Variants in GNPTAB observed in about 807,000 individuals in gnomAD.
GNPTAB encodes N-acetylglucosamine-1-phosphotransferase subunits alpha/beta.
A neutral mutation model predicts 136.6 loss-of-function variants in GNPTAB; 92 were observed. That is an observed-to-expected ratio of 0.67 (90% CI 0.57 to 0.80). The LOEUF (loss-of-function observed/expected upper bound fraction) is 0.80. Among genes scored for constraint, GNPTAB ranks in the 30% least tolerant of loss-of-function variants. GNPTAB has a pLI of 0.00. For missense variants in GNPTAB, 1,343 were observed against 1,501.8 expected (o/e 0.89, Z 1.75); for synonymous variants, 512 against 535.1 (o/e 0.96, Z 0.60).
intron 1 of GNPTAB, among the ~76,000 whole-genome samples, chr12:101,819,551 A>G (rs1487476231): frequency 2.0e-5 from 3 of 152,252 alleles, no homozygotes; most frequent in African/African-American, 2.4e-5. Flanking sequence ...GAATCCTAAA[A>G]AAATGAAGCA....
At chr12:101,749,248 G>T in intron 19 of GNPTAB, 57 bp from the exon 20 acceptor site, 1 of 966,764 alleles carries the variant, frequency 1.0e-6, no homozygotes, top group Non-Finnish European at 1.7e-6. Flanking sequence ...ACTACCATTA[G>T]TTAAGCATTA....
intron 1 of GNPTAB, among the ~76,000 whole-genome samples, chr12:101,807,425 G>A (rs529166487): frequency 1.3e-5 from 2 of 151,966 alleles, no homozygotes; most frequent in African/African-American, 4.8e-5. Context: ...TGTACCTGAA[G>A]TCCTAGCTGA....
intron 5 of GNPTAB, among the ~76,000 whole-genome samples, chr12:101,782,075 G>C (rs1594230861): frequency 6.6e-6 from 1 of 152,190 alleles, no homozygotes; most frequent in Non-Finnish European, 1.5e-5. Context: ...CAATGTTTTG[G>C]AAGTTACAGA....
chr12:101,824,432 A>ATATATATATATAT (rs1188582277), intron 1 of GNPTAB, among the ~76,000 whole-genome samples: 7 of 50,862 alleles, frequency 1.4e-4, no homozygotes, highest in Admixed American at 4.6e-4. Flanking sequence ...ATATATATAT[A>ATATATATATATAT]TTTTCTTTTT....
Position 101,757,306 on chromosome 12 carries a change from C to G in GNPTAB, c.3340G>C (p.Glu1114Gln), listed in dbSNP as rs1474425244. Reference protein sequence around the residue: ...AYKDKNKYRFEIMGEEEIAFK... With the variant: ...AYKDKNKYRFQIMGEEEIAFK... ...GCGATTTCTTCTTCTCCCATGATTT[C>G]AAACCTAATTATCAAAACATATTTG... The change falls in exon 18 of 21, where the codon GAA (glutamate) becomes CAA (glutamine). Residue 1114 changes from glutamate to glutamine, a missense_variant. Physicochemically the swap from Glu to Gln is conservative, Grantham distance 29. Coordinates refer to ENST00000299314, the MANE Select transcript of GNPTAB (RefSeq NM_024312.5). The G allele has an allele frequency of 6.4e-7, 1 of 1,560,030 alleles. No individual in the cohort carries two copies. The highest frequency in any genetic ancestry group is 8.8e-7 in the Non-Finnish European group (1 of 1,131,850).
chr12:101,772,424 C>A (rs1187767719), intron 7 of GNPTAB, among the ~76,000 whole-genome samples: 1 of 151,972 alleles, frequency 6.6e-6, no homozygotes, highest in Non-Finnish European at 1.5e-5. Flanking sequence ...TCCAGAACAC[C>A]AGAGGTGAGA....
rs200588852 is a variant in GNPTAB at position 101,771,114 on chromosome 12, T to C, written c.815A>G (p.Asn272Ser). Residue 272 changes from asparagine to serine, a missense_variant, in exon 8 of 21, where the codon AAT becomes AGT. Physicochemically the swap from Asn to Ser is conservative, Grantham distance 46 (BLOSUM62 1). Transcript: ENST00000299314. ...SEASVALLKLNNPKDFQELNK... is the reference protein window; with the variant it reads ...SEASVALLKLSNPKDFQELNK... ...CAATTCTTGAAAATCCTTGGGGTTA[T>C]TCAGTTTTAGAAGCGCTACACTGGC... is the stretch of plus-strand genomic sequence containing the variant. 19 of 1,614,046 alleles carry C rather than the reference T, an allele frequency of 1.2e-5. No individual in the cohort carries two copies. Among genetic ancestry groups the C allele is most frequent in the Non-Finnish European group, 1.4e-5 (16 of 1,179,884 alleles).
intron 10 of GNPTAB, among the ~76,000 whole-genome samples, chr12:101,769,109 TTA>T (rs1953134924): frequency 6.6e-6 from 1 of 152,168 alleles, no homozygotes; most frequent in South Asian, 2.1e-4. Flanking sequence ...TTGCAGAGTT[TTA>T]TAACTTCTAA....
intron 1 of GNPTAB, among the ~76,000 whole-genome samples, chr12:101,816,309 T>C (rs773234424): frequency 6.6e-6 from 1 of 152,214 alleles, no homozygotes; most frequent in African/African-American, 2.4e-5. Context: ...AAGGGTTTAA[T>C]AATCAGAATA....
intron 1 of GNPTAB, among the ~76,000 whole-genome samples, chr12:101,809,469 T>C (rs547708401): frequency 5.3e-5 from 8 of 152,308 alleles, no homozygotes; most frequent in East Asian, 1.9e-4. Context: ...AACCTGCACA[T>C]AAACGTATAT....
At position 101,796,766 on chromosome 12, in the gene GNPTAB, G is replaced by A. The variant is rs2137158860; in HGVS notation, c.118-4C>T. 1.9e-6 allele frequency: 3 copies of A among 1,599,494 alleles called. No individual in the cohort carries two copies. Among genetic ancestry groups the A allele is most frequent in the Non-Finnish European group, 2.6e-6 (3 of 1,169,942 alleles). On this transcript the variant is annotated splice_region_variant and splice_polypyrimidine_tract_variant and intron_variant, in intron 1 of 20. Coordinates refer to ENST00000299314, the MANE Select transcript of GNPTAB (RefSeq NM_024312.5). The stretch of plus-strand genomic sequence containing the variant: ...CTCGGCTCCATTCCAGAACCACCTA[G>A]AACAAAGAAAAAGAAACGTTTTCTT...
chr12:101,789,788 T>C, intron 3 of GNPTAB, 150 bp downstream of exon 3: 1 of 847,620 alleles, frequency 1.2e-6, no homozygotes, highest in Non-Finnish European at 2.0e-6. Flanking sequence ...CTGGCCTGTT[T>C]TGTTTTTTAA....
chr12:101,784,094 G>C (rs1475449041), intron 5 of GNPTAB, among the ~76,000 whole-genome samples: 1 of 152,086 alleles, frequency 6.6e-6, no homozygotes, highest in African/African-American at 2.4e-5. Context: ...CTGGTGAGTG[G>C]TAAGTTTTCT....
intron 1 of GNPTAB, among the ~76,000 whole-genome samples, chr12:101,799,881 G>A (rs1869514250): frequency 6.6e-6 from 1 of 152,052 alleles, no homozygotes; most frequent in South Asian, 2.1e-4. Context: ...GGAGGGAAGA[G>A]GAGGGGCATA....
chr12:101,796,589 A>T, intron 2 of GNPTAB, 88 bp downstream of exon 2: 1 of 852,172 alleles, frequency 1.2e-6, no homozygotes, highest in East Asian at 2.4e-5. Context: ...ACTCAGAAAG[A>T]CCCCTTAAAC....
intron 1 of GNPTAB, among the ~76,000 whole-genome samples, chr12:101,812,052 G>C (rs1280622419): frequency 2.0e-5 from 3 of 149,260 alleles, no homozygotes; most frequent in African/African-American, 7.4e-5. Flanking sequence ...AGGAGTTCGA[G>C]ACCAGCCTGG....
At chr12:101,788,441 T>C (rs1020271107) in intron 4 of GNPTAB, 107 bp downstream of exon 4, 1 of 773,112 alleles carries the variant, frequency 1.3e-6, no homozygotes. Flanking sequence ...AAAAACTATA[T>C]GGATAATAAA....
chr12:101,822,445 C>G (rs1439471163), intron 1 of GNPTAB, among the ~76,000 whole-genome samples: 2 of 152,170 alleles, frequency 1.3e-5, no homozygotes, highest in East Asian at 1.9e-4. Flanking sequence ...AGAATAAGCT[C>G]TAACACCTGC....
chr12:101,795,007 G>T (rs1467392141), intron 2 of GNPTAB, among the ~76,000 whole-genome samples: 1 of 152,146 alleles, frequency 6.6e-6, no homozygotes, highest in Non-Finnish European at 1.5e-5. Flanking sequence ...ATCTGCACGT[G>T]GCACAGCATA....
Sources: allele counts gnomAD v4.1 joint callset (sites outside exome capture counted in the v4.1 genomes callset), GRCh38; gene constraint gnomAD v4.1.1; transcripts MANE v1.5; gene names NCBI Gene and HGNC (gene_info 2026-07-23, HGNC 2026-07-21).